GPHN: variants seen among roughly 807,000 people sequenced by gnomAD.
GPHN encodes the protein gephyrin.
Under a neutral mutation model 95.5 loss-of-function variants are expected in GPHN, and 17 were observed. That is an observed-to-expected ratio of 0.18 (90% CI 0.12 to 0.27). The LOEUF is 0.27. GPHN is among the 10% of genes least tolerant of loss of function. The probability of loss-of-function intolerance (pLI) is 1.00; values close to 1 mark genes in which losing one functional copy is unlikely to be tolerated. For missense variants in GPHN, 660 were observed against 978.1 expected, an observed-to-expected ratio of 0.67 and a Z score of 4.34; for synonymous variants, 320 against 322.5, an observed-to-expected ratio of 0.99 and a Z score of 0.08.
At chr14:66,642,559 G>GTTT (rs200424747) in intron 1 of GPHN, among the ~76,000 whole-genome samples, 35,117 of 139,734 alleles carry the variant, frequency 0.25, 8,651 homozygotes, top group African/African-American at 0.61. Flanking sequence ...TTTGATTTTT[G>GTTT]TTTTTTTTTT....
chr14:66,683,670 T>G (rs1251069012), intron 2 of GPHN, among the ~76,000 whole-genome samples: 1 of 149,864 alleles, frequency 6.7e-6, no homozygotes, highest in Non-Finnish European at 1.5e-5. Flanking sequence ...CAGAAATTTT[T>G]TTTGTGTTTT....
the GPHN span, among the ~76,000 whole-genome samples, chr14:67,596,132 A>G: frequency 6.6e-6 from 1 of 151,542 alleles, no homozygotes; most frequent in African/African-American, 2.4e-5. Flanking sequence ...AGAAGCTTGC[A>G]TTCATTCATT....
intron 1 of GPHN, among the ~76,000 whole-genome samples, chr14:66,665,257 C>T (rs1367427507): frequency 6.6e-6 from 1 of 152,114 alleles, no homozygotes; most frequent in Admixed American, 6.5e-5. Context: ...AAACTGAATC[C>T]AGCTTATCCA....
At chr14:67,647,073 A>T in the GPHN span, 1 of 1,156,052 alleles carries the variant, frequency 8.7e-7, no homozygotes, top group Admixed American at 1.8e-5. Flanking sequence ...TGGGCAACAC[A>T]CTTTTAGCCT....
At chr14:67,556,258 T>G in the GPHN span, among the ~76,000 whole-genome samples, 27 of 152,114 alleles carry the variant, frequency 1.8e-4, no homozygotes, top group African/African-American at 6.0e-4. Flanking sequence ...CTGGACCACT[T>G]GGAATGCGCA....
chr14:66,592,881 A>G (rs2061815995), intron 1 of GPHN, among the ~76,000 whole-genome samples: 1 of 152,220 alleles, frequency 6.6e-6, no homozygotes, highest in Non-Finnish European at 1.5e-5. Flanking sequence ...TCACAATAGC[A>G]AAGACTTAGA....
At chr14:67,084,232 CA>C in intron 11 of GPHN, among the ~76,000 whole-genome samples, 1 of 152,184 alleles carries the variant, frequency 6.6e-6, no homozygotes, top group East Asian at 1.9e-4. Context: ...AAAGAAGTTC[CA>C]AAAAGACAAA....
chr14:67,021,096 A>G (rs377627023), intron 9 of GPHN, among the ~76,000 whole-genome samples: 3 of 152,266 alleles, frequency 2.0e-5, no homozygotes, highest in East Asian at 1.9e-4. Context: ...AATTAAGTAC[A>G]TATTATAAAG....
chr14:67,666,017 TC>T, the GPHN span, among the ~76,000 whole-genome samples: 1 of 152,168 alleles, frequency 6.6e-6, no homozygotes, highest in African/African-American at 2.4e-5. Flanking sequence ...AACGGCTACT[TC>T]CATGGAGCAG....
At chr14:66,984,099 T>C (rs2070865391) in intron 9 of GPHN, among the ~76,000 whole-genome samples, 1 of 152,190 alleles carries the variant, frequency 6.6e-6, no homozygotes, top group Non-Finnish European at 1.5e-5. Context: ...CTGTGTAAGT[T>C]CAGAACATCT....
chr14:67,343,175 C>T, the GPHN span, among the ~76,000 whole-genome samples: 1 of 152,174 alleles, frequency 6.6e-6, no homozygotes, highest in African/African-American at 2.4e-5. Context: ...TCCCCCAGAT[C>T]ATACAAGTAC....
At chr14:66,694,216 C>G (rs1243550406) in intron 2 of GPHN, among the ~76,000 whole-genome samples, 3 of 152,108 alleles carry the variant, frequency 2.0e-5, no homozygotes, top group African/African-American at 7.2e-5. Context: ...AGGCCTGAGA[C>G]AGGCCCCTTT....
At chr14:66,583,999 T>C (rs991079701) in intron 1 of GPHN, among the ~76,000 whole-genome samples, 12 of 152,332 alleles carry the variant, frequency 7.9e-5, no homozygotes, top group South Asian at 6.2e-4. Flanking sequence ...TTCACGATAC[T>C]GATTCTTCCT....
intron 1 of GPHN, among the ~76,000 whole-genome samples, chr14:66,604,485 C>G (rs977472152): frequency 2.6e-5 from 4 of 152,022 alleles, no homozygotes; most frequent in Admixed American, 2.6e-4. Flanking sequence ...GAAACACTAT[C>G]CACTGACCGA....
At chr14:66,665,239 A>C (rs958884758) in intron 1 of GPHN, among the ~76,000 whole-genome samples, 2 of 152,216 alleles carry the variant, frequency 1.3e-5, no homozygotes, top group Non-Finnish European at 1.5e-5. Flanking sequence ...CCTCTGCAAA[A>C]TTCTAGCAAA....
intron 21 of GPHN, 95 bp from the exon 22 acceptor site, chr14:67,179,483 T>A (rs1461931596): frequency 4.0e-6 from 3 of 752,000 alleles, no homozygotes; most frequent in Non-Finnish European, 7.3e-6. Context: ...TTAGTCTCCA[T>A]GTCCACTGTA....
At chr14:67,595,793 A>T in the GPHN span, among the ~76,000 whole-genome samples, 2 of 152,184 alleles carry the variant, frequency 1.3e-5, no homozygotes, top group Non-Finnish European at 1.5e-5. Context: ...CACTTGGAGG[A>T]CCAGGTGGAG....
At chr14:66,622,638 C>T (rs772459413) in intron 1 of GPHN, among the ~76,000 whole-genome samples, 3 of 152,186 alleles carry the variant, frequency 2.0e-5, no homozygotes, top group Non-Finnish European at 2.9e-5. Context: ...TTTCTTCCAT[C>T]AGATACCCTA....
the GPHN span, among the ~76,000 whole-genome samples, chr14:67,218,448 G>A: frequency 6.6e-6 from 1 of 152,154 alleles, no homozygotes; most frequent in African/African-American, 2.4e-5. Flanking sequence ...TGCTCACTGG[G>A]GACAGCCTGT....
Sources: gnomAD v4.1 joint callset for allele counts (sites outside exome capture counted in the v4.1 genomes callset) on GRCh38, gnomAD v4.1.1 for gene constraint, MANE v1.5 for transcripts, NCBI Gene and HGNC (gene_info 2026-07-23, HGNC 2026-07-21) for gene names.